CTNNA3: variants seen among roughly 807,000 people sequenced by gnomAD.
CTNNA3 encodes catenin alpha-3.
In CTNNA3, 76 loss-of-function variants were observed where a neutral mutation model predicts 95.7. The ratio of observed to expected loss-of-function variants is 0.79; its 90% CI spans 0.66 to 0.96. The LOEUF (loss-of-function observed/expected upper bound fraction) is 0.96. Among genes scored for constraint, CTNNA3 ranks in the 40% least tolerant of loss-of-function variants. The pLI, the probability that CTNNA3 is intolerant of heterozygous loss-of-function variation, is 0.00. For missense variants in CTNNA3, 1,191 were observed against 1,089.8 expected (o/e 1.09, Z -1.31); for synonymous variants, 431 against 374.4 (o/e 1.15, Z -1.74).
At chr10:67,015,494 T>C (rs1030019530) in intron 7 of CTNNA3, 1 of 152,178 alleles carries the variant, frequency 6.6e-6, no homozygotes, top group Non-Finnish European at 1.5e-5. Context: ...TAATTGCTTC[T>C]CTGGGTTCTC....
chr10:66,419,813 G>T (rs2093176868), intron 11 of CTNNA3, among the ~76,000 whole-genome samples: 1 of 152,100 alleles, frequency 6.6e-6, no homozygotes, highest in Admixed American at 6.6e-5. Flanking sequence ...AATAAATAGT[G>T]CTGGGGAAAT....
chr10:66,368,570 A>C (rs960732563), intron 12 of CTNNA3, among the ~76,000 whole-genome samples: 14 of 152,284 alleles, frequency 9.2e-5, no homozygotes, highest in African/African-American at 3.4e-4. Context: ...AAATAGATGG[A>C]AAAGACAAAA....
rs545441788 is a variant in CTNNA3, at chr10:67,228,019, G to A, written c.580-8149C>T. Among the ~76,000 whole-genome samples, 162 of 152,156 alleles carry A rather than the reference G, an allele frequency of 1.1e-3. 1 individual carries two copies. The highest frequency in any genetic ancestry group is 3.8e-3 in the African/African-American group (156 of 41,522). On this transcript the variant is annotated intron_variant, in intron 5 of 17. Transcript: ENST00000433211. ...ACTGAACAAAAACCTCTGGGATACA[G>A]CAAAGGCGGTGCTAAGAGGAAAGTT...
chr10:66,940,014 CT>C (rs1847914359), intron 7 of CTNNA3, among the ~76,000 whole-genome samples: 1 of 151,328 alleles, frequency 6.6e-6, no homozygotes, highest in African/African-American at 2.4e-5. Context: ...TTTTTTAATT[CT>C]TCTTTGTTTT....
At chr10:67,269,464 T>C (rs182592640) in intron 5 of CTNNA3, among the ~76,000 whole-genome samples, 1 of 152,270 alleles carries the variant, frequency 6.6e-6, no homozygotes, top group African/African-American at 2.4e-5. Flanking sequence ...CATTCAATAT[T>C]TTGTGAAGGT....
At chr10:66,906,772 C>T (rs1039270363) in intron 7 of CTNNA3, among the ~76,000 whole-genome samples, 34 of 151,540 alleles carry the variant, frequency 2.2e-4, no homozygotes, top group African/African-American at 5.1e-4. Context: ...TTTTTTAGTG[C>T]GTCTCTTTTA....
intron 13 of CTNNA3, among the ~76,000 whole-genome samples, chr10:66,248,126 T>C (rs1358356263): frequency 1.3e-5 from 2 of 152,304 alleles, no homozygotes; most frequent in Middle Eastern, 3.4e-3. Context: ...GCATTTCTAT[T>C]AGTTTTTTTC....
intron 11 of CTNNA3, among the ~76,000 whole-genome samples, chr10:66,437,614 A>G (rs1031221980): frequency 2.0e-5 from 3 of 152,054 alleles, no homozygotes; most frequent in African/African-American, 7.2e-5. Context: ...TCTTTTATCA[A>G]GGTTCTTAGC....
intron 13 of CTNNA3, among the ~76,000 whole-genome samples, chr10:66,207,828 C>T (rs543644405): frequency 6.6e-6 from 1 of 152,062 alleles, no homozygotes; most frequent in African/African-American, 2.4e-5. Flanking sequence ...TGAAATGGTG[C>T]TGCAATGCCA....
chr10:67,381,580 C>G (rs554825000), intron 5 of CTNNA3, among the ~76,000 whole-genome samples: 1 of 152,120 alleles, frequency 6.6e-6, no homozygotes, highest in Non-Finnish European at 1.5e-5. Flanking sequence ...AAATGTACCA[C>G]CCTCTCCTCA....
intron 10 of CTNNA3, among the ~76,000 whole-genome samples, chr10:66,539,159 A>C (rs1002264168): frequency 2.0e-5 from 3 of 152,146 alleles, no homozygotes; most frequent in Non-Finnish European, 2.9e-5. Context: ...AGCCAGCTAT[A>C]GTGTACATCC....
At chr10:67,632,000 G>A (rs1441985807) in intron 2 of CTNNA3, among the ~76,000 whole-genome samples, 1 of 152,092 alleles carries the variant, frequency 6.6e-6, no homozygotes, top group Non-Finnish European at 1.5e-5. Flanking sequence ...GTTGATCAAA[G>A]GATATAAAAT....
intron 13 of CTNNA3, among the ~76,000 whole-genome samples, chr10:66,133,377 T>TG (rs1282074022): frequency 6.6e-6 from 1 of 151,972 alleles, no homozygotes; most frequent in Non-Finnish European, 1.5e-5. Context: ...TAGCCAGGCG[T>TG]GGTGGCAGCC....
intron 13 of CTNNA3, among the ~76,000 whole-genome samples, chr10:66,211,983 GTT>G (rs61453326): frequency 0.22 from 20,977 of 96,338 alleles, 1,617 homozygotes; most frequent in Admixed American, 0.35. Context: ...TTGTTTTTGG[GTT>G]TTTTTTTTTT....
intron 12 of CTNNA3, among the ~76,000 whole-genome samples, chr10:66,352,478 G>A (rs2092574259): frequency 6.6e-6 from 1 of 152,094 alleles, no homozygotes; most frequent in South Asian, 2.1e-4. Context: ...ACAACAAATG[G>A]GGTCTGAAAG....
At chr10:67,515,737 G>A (rs1374185312) in intron 5 of CTNNA3, among the ~76,000 whole-genome samples, 3 of 152,150 alleles carry the variant, frequency 2.0e-5, no homozygotes, top group Non-Finnish European at 2.9e-5. Flanking sequence ...TTTCAGGACA[G>A]TTAGATTAAT....
At chr10:66,770,778 A>T (rs1394657486) in intron 8 of CTNNA3, among the ~76,000 whole-genome samples, 2 of 152,160 alleles carry the variant, frequency 1.3e-5, no homozygotes, top group African/African-American at 2.4e-5. Flanking sequence ...GAAAGGAATC[A>T]TCTTCAGGGA....
chr10:67,760,449 T>C (rs887767949), intron 1 of CTNNA3, among the ~76,000 whole-genome samples: 1 of 152,192 alleles, frequency 6.6e-6, no homozygotes, highest in Non-Finnish European at 1.5e-5. Flanking sequence ...TGTCACTTAA[T>C]GATATGTTCT....
At chr10:67,072,455 G>C (rs1856517476) in intron 7 of CTNNA3, among the ~76,000 whole-genome samples, 1 of 152,114 alleles carries the variant, frequency 6.6e-6, no homozygotes, top group South Asian at 2.1e-4. Context: ...TTTATTGTAT[G>C]ATAGAAATTA....
Sources: allele counts gnomAD v4.1 joint callset (sites outside exome capture counted in the v4.1 genomes callset), GRCh38; gene constraint gnomAD v4.1.1; transcripts MANE v1.5; gene names NCBI Gene and HGNC (gene_info 2026-07-23, HGNC 2026-07-21).